Variants in PARD3B observed in about 807,000 individuals in gnomAD.
The protein encoded by PARD3B is par-3 family cell polarity regulator beta.
Under a neutral mutation model 130.2 loss-of-function variants are expected in PARD3B, and 103 were observed. The observed-to-expected ratio is 0.79, with a 90% CI of 0.67 to 0.93. The LOEUF (loss-of-function observed/expected upper bound fraction) is 0.93. PARD3B is among the 40% of genes least tolerant of loss of function. The pLI is 0.00. For missense variants in PARD3B, 1,609 were observed against 1,499.2 expected (o/e 1.07, Z -1.21); for synonymous variants, 583 against 553.2 (o/e 1.05, Z -0.76).
At chr2:205,117,916 T>TACAC (rs745919031) in intron 6 of PARD3B, among the ~76,000 whole-genome samples, 5 of 20,376 alleles carry the variant, frequency 2.5e-4, no homozygotes, top group Admixed American at 6.7e-4. Flanking sequence ...TGTATGTGTG[T>TACAC]ACACACACAC....
chr2:204,761,254 T>C (rs562330309), intron 2 of PARD3B, among the ~76,000 whole-genome samples: 12 of 152,208 alleles, frequency 7.9e-5, no homozygotes, highest in Admixed American at 2.0e-4. Context: ...TTTCATCATC[T>C]TCTCAAACCT....
chr2:205,038,521 T>C (rs1698171172), intron 3 of PARD3B, among the ~76,000 whole-genome samples: 1 of 152,176 alleles, frequency 6.6e-6, no homozygotes, highest in Non-Finnish European at 1.5e-5. Flanking sequence ...TGAATACAAC[T>C]GGATAAAATG....
chr2:204,824,251 A>G (rs1408113217), intron 2 of PARD3B, among the ~76,000 whole-genome samples: 1 of 152,184 alleles, frequency 6.6e-6, no homozygotes, highest in Admixed American at 6.5e-5. Flanking sequence ...AGAATCCTAC[A>G]AGTACACTGG....
In PARD3B at chr2:205,104,521, T is replaced by C; in HGVS notation, c.593+7T>C. ...GAACTAAGGACACATTGAGGTATTC[T>C]CTTTATACAGATAAGAATATCTGAT... On this transcript the variant is annotated splice_region_variant and intron_variant, in intron 5 of 22. Transcript: ENST00000406610. 6.8e-7 allele frequency: 1 copy of C among 1,474,550 alleles called. No individual in the cohort carries two copies. The highest frequency in any genetic ancestry group is 9.5e-7 in the Non-Finnish European group (1 of 1,054,376). 91.3% of individuals were successfully genotyped at this position (1,474,550 alleles called of 1,614,324 possible). A position where few individuals can be genotyped will look rare whatever the true frequency, so the allele number is the denominator to read the frequency against.
intron 2 of PARD3B, among the ~76,000 whole-genome samples, chr2:204,949,905 C>T (rs1689624904): frequency 6.6e-6 from 1 of 152,016 alleles, no homozygotes; most frequent in African/African-American, 2.4e-5. Flanking sequence ...TAAATTTATT[C>T]ATTAGATGCC....
intron 2 of PARD3B, among the ~76,000 whole-genome samples, chr2:204,839,130 AC>A (rs2044169736): frequency 6.6e-6 from 1 of 152,212 alleles, no homozygotes; most frequent in Non-Finnish European, 1.5e-5. Context: ...CCATAATGTT[AC>A]AAGGTCAGCC....
At chr2:205,303,959 T>G (rs1454617551) in intron 18 of PARD3B, among the ~76,000 whole-genome samples, 1 of 152,176 alleles carries the variant, frequency 6.6e-6, no homozygotes, top group Admixed American at 6.5e-5. Flanking sequence ...TGAAGGTGAA[T>G]GATGGGAGAT....
intron 1 of PARD3B, among the ~76,000 whole-genome samples, chr2:204,682,974 G>C (rs1347996326): frequency 6.6e-6 from 1 of 152,024 alleles, no homozygotes; most frequent in Admixed American, 6.6e-5. Context: ...AGCCTATTTG[G>C]AACCATTTTT....
rs1698091613 is a variant in PARD3B at position 205,037,613 on chromosome 2, TTTTATATATAG to T, written c.395-9966_395-9956del. 5.4e-5 allele frequency among the ~76,000 whole-genome samples: 8 copies of T among 148,542 alleles called. 1 individual carries two copies. The South Asian group carries it at 1.7e-3, about 31-fold the overall frequency. On this transcript the variant is annotated intron_variant, in intron 3 of 22. Transcript: ENST00000406610. ...GTCGACTATATATATTTTATATATATTTTATATATAGTCGACTGTATAAAATATGTATATAG... is the reference window on the plus strand; with the variant it reads ...GTCGACTATATATATTTTATATATATTCGACTGTATAAAATATGTATATAG...
intron 2 of PARD3B, among the ~76,000 whole-genome samples, chr2:204,798,788 GA>G (rs1260953339): frequency 3.3e-5 from 5 of 152,094 alleles, no homozygotes; most frequent in Admixed American, 2.6e-4. Flanking sequence ...CCTTGGGCCA[GA>G]AGGGAACCCG....
Position 205,473,684 on chromosome 2 carries a change from G to GTATATATATATATATA in PARD3B, c.3045-26201_3045-26186dup, listed in dbSNP as rs369766633. Among the ~76,000 whole-genome samples the GTATATATATATATATA allele has an allele frequency of 8.7e-6, 1 of 114,622 alleles. No homozygotes were observed. Among genetic ancestry groups the GTATATATATATATATA allele is most frequent in the Non-Finnish European group, 1.7e-5 (1 of 57,500 alleles). 75.2% of individuals were successfully genotyped at this position (114,622 alleles called of 152,430 possible). A position where few individuals can be genotyped will look rare whatever the true frequency, so the allele number is the denominator to read the frequency against. On this transcript the variant is annotated intron_variant, in intron 20 of 22. Transcript: ENST00000406610. The surrounding 1 kb of genome is among the most constrained non-coding windows in gnomAD (Gnocchi z 4.9). ...TGTGTGTGTGTGTGTGTGTGTGTAT[G>GTATATATATATATATA]TATATATATATATATATATATATAT... is the stretch of plus-strand genomic sequence containing the variant.
intron 22 of PARD3B, among the ~76,000 whole-genome samples, chr2:205,571,431 A>G (rs1366168191): frequency 9.2e-5 from 14 of 152,240 alleles, no homozygotes; most frequent in Admixed American, 9.2e-4. Context: ...CTTACTTAAG[A>G]AGTCAAGAAG....
intron 3 of PARD3B, among the ~76,000 whole-genome samples, chr2:205,018,387 G>C (rs1696320420): frequency 6.6e-6 from 1 of 152,074 alleles, no homozygotes; most frequent in Non-Finnish European, 1.5e-5. Flanking sequence ...CTGGGAAGAA[G>C]GAAAGAAGTT....
chr2:205,176,195 A>G lies in PARD3B; in HGVS notation c.1792-250A>G, dbSNP rs2035458607. On this transcript the variant is annotated intron_variant, in intron 12 of 22. Coordinates refer to ENST00000406610, the MANE Select transcript of PARD3B (RefSeq NM_001302769.2). This position sits in a 1 kb window ranked among gnomAD's most constrained non-coding sequence, Gnocchi z 5.3. ...CAGTTATAAGTGGGAAAAGAGAATA[A>G]TAAAGTTAATCCTCTTTTGTGTTGG... Among the ~76,000 whole-genome samples the G allele has an allele frequency of 6.6e-6, 1 of 152,216 alleles. No homozygotes were observed.
chr2:204,805,296 G>T (rs2042726340), intron 2 of PARD3B, among the ~76,000 whole-genome samples: 1 of 152,016 alleles, frequency 6.6e-6, no homozygotes, highest in African/African-American at 2.4e-5. Flanking sequence ...CTCTATACCA[G>T]TAAATTGGAA....
intron 22 of PARD3B, among the ~76,000 whole-genome samples, chr2:205,554,886 G>GGACTT (rs1390868735): frequency 6.6e-6 from 1 of 152,168 alleles, no homozygotes; most frequent in African/African-American, 2.4e-5. Flanking sequence ...TTTATATCAA[G>GGACTT]GACTTGAGCA....
rs2041975654 is a variant in PARD3B at position 205,300,970 on chromosome 2, T to C, written c.2392+234T>C. 5.3e-5 allele frequency among the ~76,000 whole-genome samples: 8 copies of C among 152,262 alleles called. No homozygotes were observed. ...GTGCAAGGCTAAATAAATGTTCTCC[T>C]TCACTTTTCTACAAGGACCAACTGT... On this transcript the variant is annotated intron_variant, in intron 17 of 22. Transcript: ENST00000406610. The surrounding 1 kb of genome is among the most constrained non-coding windows in gnomAD (Gnocchi z 4.1).
chr2:205,274,098 G>GT lies in PARD3B; in HGVS notation c.2186-26425dup, dbSNP rs869306617. On this transcript the variant is annotated intron_variant, in intron 16 of 22. Coordinates refer to ENST00000406610, the MANE Select transcript of PARD3B (RefSeq NM_001302769.2). This position sits in a 1 kb window ranked among gnomAD's most constrained non-coding sequence, Gnocchi z 4.2. ...GCTCATCTAGATCTGGACAAATATA[G>GT]TTTTTTTAAAAAAAGTCTATTTTAT... Among the ~76,000 whole-genome samples, 4 of 151,822 alleles carry GT rather than the reference G, an allele frequency of 2.6e-5. No individual in the cohort carries two copies. Among genetic ancestry groups the GT allele is most frequent in the African/African-American group, 9.7e-5 (4 of 41,328 alleles).
rs1023358162 is a variant in PARD3B at position 205,142,589 on chromosome 2, TAGAC to T, written c.1435-16130_1435-16127del. On this transcript the variant is annotated intron_variant, in intron 10 of 22. Coordinates refer to ENST00000406610, the MANE Select transcript of PARD3B (RefSeq NM_001302769.2). The surrounding 1 kb of genome is among the most constrained non-coding windows in gnomAD (Gnocchi z 4.3). ...TCACAGTGGTATAGCAGAGTTAAGATAGACAGGCAACCAGGCACAGTGGCTCACG... is the reference window on the plus strand; with the variant it reads ...TCACAGTGGTATAGCAGAGTTAAGATAGGCAACCAGGCACAGTGGCTCACG... Among the ~76,000 whole-genome samples the T allele has an allele frequency of 1.3e-5, 2 of 152,040 alleles. No homozygotes were observed. The highest frequency in any genetic ancestry group is 4.8e-5 in the African/African-American group (2 of 41,392).
Sources: gnomAD v4.1 joint callset for allele counts (sites outside exome capture counted in the v4.1 genomes callset) on GRCh38, gnomAD v4.1.1 for gene constraint, Gnocchi (gnomAD v3.1) non-coding constraint, MANE v1.5 for transcripts, NCBI Gene and HGNC (gene_info 2026-07-23, HGNC 2026-07-21) for gene names.